SLC22A23: variants seen among roughly 807,000 people sequenced by gnomAD.
The protein encoded by SLC22A23 is solute carrier family 22 member 23.
Under a neutral mutation model 61.0 loss-of-function variants are expected in SLC22A23, and 26 were observed. The ratio of observed to expected loss-of-function variants is 0.43; its 90% CI spans 0.31 to 0.59. The LOEUF is 0.59. Ranked by LOEUF, SLC22A23 falls within the 20% of genes least tolerant of loss-of-function variation. SLC22A23 has a pLI of 0.11. For missense variants in SLC22A23, 796 were observed against 934.7 expected (o/e 0.85, Z 1.94); for synonymous variants, 430 against 413.9 (o/e 1.04, Z -0.47).
At position 3,318,137 on chromosome 6, in the gene SLC22A23, C is replaced by T. The variant is rs144081105; in HGVS notation, c.1082+5697G>A. 1.5e-3 allele frequency among the ~76,000 whole-genome samples: 232 copies of T among 152,306 alleles called. 1 individual carries two copies. The highest frequency in any genetic ancestry group is 2.8e-3 in the Non-Finnish European group (189 of 68,032). On this transcript the variant is annotated intron_variant, in intron 4 of 9. Transcript: ENST00000406686. The surrounding 1 kb of genome is among the most constrained non-coding windows in gnomAD (Gnocchi z 4.3). ...AGCGTCTCCACCCTGGGGGTCACTT[C>T]ATTCCAGAACTCTGCAACCCTGCGG...
At chr6:3,332,383 A>G (rs9503548) in intron 3 of SLC22A23, among the ~76,000 whole-genome samples, 33,285 of 151,422 alleles carry the variant, frequency 0.22, 4,306 homozygotes, top group African/African-American at 0.36. Context: ...TCTTTGGCAT[A>G]ATACTTCTAA....
At chr6:3,448,238 A>C (rs1171774960) in intron 1 of SLC22A23, among the ~76,000 whole-genome samples, 2 of 151,836 alleles carry the variant, frequency 1.3e-5, no homozygotes, top group Non-Finnish European at 2.9e-5. Context: ...GGTCACACTC[A>C]TTAGTGTGAT....
chr6:3,287,675 G>T (rs200940659), intron 6 of SLC22A23, among the ~76,000 whole-genome samples: 32 of 136,942 alleles, frequency 2.3e-4, no homozygotes, highest in African/African-American at 2.5e-4. Context: ...ACAGGAAACT[G>T]TTTTTTTTTT....
chr6:3,283,879 C>G lies in SLC22A23; in HGVS notation c.1676G>C (p.Cys559Ser). ...TATCACCGTCGGGGTGATCTCCGCACAGAAGAACACGCTGAGGCTCCCCAC... is the reference window on the plus strand; with the variant it reads ...TATCACCGTCGGGGTGATCTCCGCAGAGAAGAACACGCTGAGGCTCCCCAC... The part of the protein sequence containing the change: ...HAVGSLSVFF[C>S]AEITPTVIRC... The change falls in exon 9 of 10, where the codon TGT (cysteine) becomes TCT (serine). Residue 559 changes from cysteine to serine, a missense_variant. Transcript: ENST00000406686. The G allele has an allele frequency of 3.1e-6, 5 of 1,613,644 alleles. No homozygotes were observed. The highest frequency in any genetic ancestry group is 4.2e-6 in the Non-Finnish European group (5 of 1,179,702).
chr6:3,324,366 C>G lies in SLC22A23; in HGVS notation c.914-364G>C, dbSNP rs559547779. On this transcript the variant is annotated intron_variant, in intron 3 of 9. Coordinates refer to ENST00000406686, the MANE Select transcript of SLC22A23 (RefSeq NM_015482.2). The surrounding 1 kb of genome is among the most constrained non-coding windows in gnomAD (Gnocchi z 4.3). ...TGAGCTTGCTGTCCAGCACGTTCCC[C>G]CCTCGTGCCCATCCTGTCGCCATTC... Among the ~76,000 whole-genome samples, 5 of 152,310 alleles carry G rather than the reference C, an allele frequency of 3.3e-5. 1 individual carries two copies. In the East Asian group the frequency reaches 5.8e-4, roughly 18 times the overall value.
chr6:3,424,815 G>C (rs1311671683), intron 1 of SLC22A23, among the ~76,000 whole-genome samples: 1 of 152,196 alleles, frequency 6.6e-6, no homozygotes, highest in Non-Finnish European at 1.5e-5. Context: ...TCGAACAACT[G>C]AAACAGAGCC....
intron 7 of SLC22A23, among the ~76,000 whole-genome samples, chr6:3,285,613 G>C (rs969955841): frequency 3.5e-5 from 1 of 28,896 alleles, no homozygotes; most frequent in African/African-American, 4.2e-5. Context: ...GTGTGAGCAG[G>C]AGACTCCCTG....
At position 3,450,280 on chromosome 6, in the gene SLC22A23, G is replaced by A. The variant is rs552042022; in HGVS notation, c.654+5626C>T. On this transcript the variant is annotated intron_variant, in intron 1 of 9. Transcript: ENST00000406686. ...ATATACTAGACAAAAGCCACCACTG[G>A]GATGACCTCATGGTAGTCAGTTCAG... is the stretch of plus-strand genomic sequence containing the variant. 5.9e-5 allele frequency among the ~76,000 whole-genome samples: 9 copies of A among 152,298 alleles called. 1 individual carries two copies. The South Asian group carries it at 1.9e-3, about 32-fold the overall frequency.
intron 4 of SLC22A23, among the ~76,000 whole-genome samples, chr6:3,316,310 C>G (rs1426691534): frequency 6.6e-6 from 1 of 152,202 alleles, no homozygotes; most frequent in Non-Finnish European, 1.5e-5. Context: ...CCAGGAAGAG[C>G]TAAGGAATTC....
intron 4 of SLC22A23, among the ~76,000 whole-genome samples, chr6:3,299,913 T>A (rs1048951551): frequency 6.6e-6 from 1 of 152,132 alleles, no homozygotes; most frequent in Non-Finnish European, 1.5e-5. Flanking sequence ...TTTATTTTAG[T>A]TAAATTGTAT....
rs890595136 is a variant in SLC22A23 at position 3,369,419 on chromosome 6, G to A, written c.913+40769C>T. ...AGAAGTAATGGAATAGGCCGGGCAC[G>A]GTGGCTCACACCTGTAATCCCAGCA... On this transcript the variant is annotated intron_variant, in intron 3 of 9. Transcript: ENST00000406686. Among the ~76,000 whole-genome samples, 5 of 152,166 alleles carry A rather than the reference G, an allele frequency of 3.3e-5. No homozygotes were observed. The East Asian group carries it at 5.8e-4, about 18-fold the overall frequency.
At chr6:3,285,320 G>T (rs1466448518) in intron 7 of SLC22A23, among the ~76,000 whole-genome samples, 13 of 152,256 alleles carry the variant, frequency 8.5e-5, no homozygotes, top group Non-Finnish European at 2.9e-5. Flanking sequence ...AGGAAGACAG[G>T]AGTGAGACCC....
Position 3,283,988 on chromosome 6 carries a change from C to CAGA in SLC22A23, c.1580-16_1580-14dup, listed in dbSNP as rs772082912. The CAGA allele has an allele frequency of 1.7e-5, 27 of 1,596,070 alleles. No individual in the cohort carries two copies. In the Middle Eastern group the frequency reaches 7.1e-4, roughly 42 times the overall value. ...CTGTCACTCATCCCTGGGGGAAGGT[C>CAGA]AGAAGAAGGTGGTGAGGGAAGAGAG... On this transcript the variant is annotated splice_polypyrimidine_tract_variant and intron_variant, in intron 8 of 9. Coordinates refer to ENST00000406686, the MANE Select transcript of SLC22A23 (RefSeq NM_015482.2).
At chr6:3,420,232 G>GAAAAAAAAAAAAAAA (rs34794008) in intron 1 of SLC22A23, among the ~76,000 whole-genome samples, 1 of 102,698 alleles carries the variant, frequency 9.7e-6, no homozygotes. Context: ...AGCAAAATGA[G>GAAAAAAAAAAAAAAA]AAAAAAAAAA....
intron 3 of SLC22A23, among the ~76,000 whole-genome samples, chr6:3,367,112 G>A (rs984708628): frequency 6.6e-6 from 1 of 152,202 alleles, no homozygotes; most frequent in Non-Finnish European, 1.5e-5. Context: ...CCTTTAGAGG[G>A]AAGTGTGTGT....
intron 3 of SLC22A23, among the ~76,000 whole-genome samples, chr6:3,366,297 C>T (rs935684291): frequency 2.2e-5 from 3 of 139,388 alleles, no homozygotes; most frequent in Non-Finnish European, 4.5e-5. Context: ...CACACCACTG[C>T]ACTCCAGCCT....
Position 3,297,552 on chromosome 6 carries a change from A to C in SLC22A23, c.1210+539T>G, listed in dbSNP as rs772831854. Among the ~76,000 whole-genome samples the C allele has an allele frequency of 3.3e-5, 5 of 152,214 alleles. No homozygotes were observed. Among genetic ancestry groups the C allele is most frequent in the Non-Finnish European group, 5.9e-5 (4 of 68,030 alleles). Reference sequence around the variant, plus strand: ...ACCTCCTGGTGATACGTGGATCCCCAGGTTGAGAACCCCCACCTAGCTGTG... The same window carrying C: ...ACCTCCTGGTGATACGTGGATCCCCCGGTTGAGAACCCCCACCTAGCTGTG... On this transcript the variant is annotated intron_variant, in intron 5 of 9. Coordinates refer to ENST00000406686, the MANE Select transcript of SLC22A23 (RefSeq NM_015482.2). This position sits in a 1 kb window ranked among gnomAD's most constrained non-coding sequence, Gnocchi z 4.3.
At chr6:3,276,258 TGGG>T (rs1396357817) in intron 9 of SLC22A23, among the ~76,000 whole-genome samples, 1 of 152,326 alleles carries the variant, frequency 6.6e-6, no homozygotes, top group East Asian at 1.9e-4. Flanking sequence ...GCACAGGGCT[TGGG>T]GGCACAAGGG....
chr6:3,318,095 G>A lies in SLC22A23; in HGVS notation c.1082+5739C>T, dbSNP rs915875295. Among the ~76,000 whole-genome samples the A allele has an allele frequency of 1.3e-5, 2 of 152,164 alleles. No individual in the cohort carries two copies. Among genetic ancestry groups the A allele is most frequent in the Non-Finnish European group, 2.9e-5 (2 of 68,020 alleles). ...CAGTCTCTGGGTGCATCATGCTGCT[G>A]CCACCTTTTCCTGGCCAGCGTCTCC... On this transcript the variant is annotated intron_variant, in intron 4 of 9. Transcript: ENST00000406686. The surrounding 1 kb of genome is among the most constrained non-coding windows in gnomAD (Gnocchi z 4.3).
Sources: gnomAD v4.1 joint callset for allele counts (sites outside exome capture counted in the v4.1 genomes callset) on GRCh38, gnomAD v4.1.1 for gene constraint, Gnocchi (gnomAD v3.1) non-coding constraint, MANE v1.5 for transcripts, NCBI Gene and HGNC (gene_info 2026-07-23, HGNC 2026-07-21) for gene names.